Variants in RNF115 observed in about 807,000 individuals in gnomAD.
RNF115 encodes the protein ring finger protein 115.
A neutral mutation model predicts 39.2 loss-of-function variants in RNF115; 31 were observed. The observed-to-expected ratio is 0.79, with a 90% CI of 0.59 to 1.07. The LOEUF (loss-of-function observed/expected upper bound fraction) is 1.07, where lower values mean the gene tolerates loss of function less well. RNF115 is among the 50% of genes least tolerant of loss of function. The pLI, the probability that RNF115 is intolerant of heterozygous loss-of-function variation, is 0.00. For synonymous variants in RNF115, 124 were observed against 131.0 expected, an observed-to-expected ratio of 0.95 and a Z score of 0.37; for missense variants, 384 against 381.7, an observed-to-expected ratio of 1.01 and a Z score of -0.05.
chr1:145,823,982 C>G lies in RNF115; in HGVS notation c.-109G>C. ...GCCGCCGCCGCCTCGGTGCGGCCCA[C>G]CGCTTCAGAGCCCGCGTCGGTCACG... On this transcript the variant is annotated 5_prime_UTR_variant, in exon 1 of 9. Coordinates refer to ENST00000582693, the MANE Select transcript of RNF115 (RefSeq NM_014455.4). The G allele has an allele frequency of 1.3e-6, 1 of 771,936 alleles. No individual in the cohort carries two copies. Among genetic ancestry groups the G allele is most frequent in the Non-Finnish European group, 1.9e-6 (1 of 530,676 alleles). 47.8% of individuals were successfully genotyped at this position (771,936 alleles called of 1,614,324 possible). A position where few individuals can be genotyped will look rare whatever the true frequency, so the allele number is the denominator to read the frequency against.
At chr1:145,795,473 T>C (rs1194343987) in intron 1 of RNF115, among the ~76,000 whole-genome samples, 3 of 152,012 alleles carry the variant, frequency 2.0e-5, no homozygotes, top group Non-Finnish European at 2.9e-5. Context: ...TTTTACAGAG[T>C]GCTGATTGGT....
At chr1:145,756,886 G>A (rs1232778616) in intron 4 of RNF115, among the ~76,000 whole-genome samples, 2 of 133,022 alleles carry the variant, frequency 1.5e-5, no homozygotes, top group African/African-American at 5.9e-5. Flanking sequence ...GCCCAGGCCA[G>A]AGTGCAGTGG....
At chr1:145,816,069 G>GA (rs1649979570) in intron 1 of RNF115, among the ~76,000 whole-genome samples, 1 of 43,754 alleles carries the variant, frequency 2.3e-5, no homozygotes, top group African/African-American at 2.0e-4. Flanking sequence ...CTTTTTGAAT[G>GA]GTTTTTTTTT....
chr1:145,789,534 G>A (rs1327474473), intron 1 of RNF115, among the ~76,000 whole-genome samples: 4 of 151,496 alleles, frequency 2.6e-5, no homozygotes, highest in African/African-American at 9.7e-5. Context: ...AAGTAGCTAG[G>A]ATTACAGGCA....
At chr1:145,796,381 G>A (rs909243349) in intron 1 of RNF115, among the ~76,000 whole-genome samples, 6 of 151,556 alleles carry the variant, frequency 4.0e-5, no homozygotes, top group Non-Finnish European at 8.8e-5. Context: ...GTATTATTCT[G>A]TCTACACATT....
At chr1:145,759,742 T>C (rs983020901) in intron 4 of RNF115, among the ~76,000 whole-genome samples, 5 of 152,194 alleles carry the variant, frequency 3.3e-5, no homozygotes, top group Admixed American at 6.5e-5. Flanking sequence ...GAAGCTCTTA[T>C]AATTGCCAAC....
chr1:145,762,891 A>G (rs1553714046), intron 4 of RNF115, among the ~76,000 whole-genome samples: 1 of 152,200 alleles, frequency 6.6e-6, no homozygotes, highest in Non-Finnish European at 1.5e-5. Flanking sequence ...TCATTAGCCT[A>G]AGCAACTTAA....
intron 7 of RNF115, 75 bp from the exon 8 acceptor site, chr1:145,748,185 C>T (rs782605132): frequency 1.0e-6 from 1 of 975,254 alleles, no homozygotes; most frequent in Non-Finnish European, 1.6e-6. Context: ...ATGTCTCTAC[C>T]AACCCTACGA....
intron 1 of RNF115, among the ~76,000 whole-genome samples, chr1:145,808,733 C>A (rs1649567871): frequency 6.6e-6 from 1 of 152,138 alleles, no homozygotes; most frequent in African/African-American, 2.4e-5. Context: ...ATAAAAATTT[C>A]TGTTCCCCAA....
rs782815463 is a variant in RNF115, at chr1:145,788,846, A to G, written c.161+62T>C. 8 of 1,172,952 alleles carry G rather than the reference A, an allele frequency of 6.8e-6. No individual in the cohort carries two copies. The South Asian group carries it at 8.5e-5, about 12-fold the overall frequency. The allele number at this position is 1,172,952 out of a possible 1,614,324, so 72.7% of individuals were successfully genotyped here. A position where few individuals can be genotyped will look rare whatever the true frequency, so the allele number is the denominator to read the frequency against. ...AAAACAAATTCAACTTACTCAGTCC[A>G]TGCTGAGAGAAAATAGTTTTGATAA... is the stretch of plus-strand genomic sequence containing the variant. On this transcript the variant is annotated intron_variant, in intron 2 of 8. Coordinates refer to ENST00000582693, the MANE Select transcript of RNF115 (RefSeq NM_014455.4).
chr1:145,779,969 C>T (rs1395611847), intron 3 of RNF115, among the ~76,000 whole-genome samples: 4 of 151,994 alleles, frequency 2.6e-5, no homozygotes, highest in Non-Finnish European at 4.4e-5. Context: ...GACTCAAGCC[C>T]GTAATCCCAG....
At chr1:145,789,391 G>A (rs1648548282) in intron 1 of RNF115, among the ~76,000 whole-genome samples, 1 of 147,726 alleles carries the variant, frequency 6.8e-6, no homozygotes, top group South Asian at 2.2e-4. Flanking sequence ...ATAAGCCACT[G>A]AGCCCAGCCT....
rs587741147 is a variant in RNF115 at position 145,813,618 on chromosome 1, C to G, written c.102+10154G>C. 1.7e-4 allele frequency among the ~76,000 whole-genome samples: 26 copies of G among 152,286 alleles called. No individual in the cohort carries two copies. The South Asian group carries it at 5.2e-3, about 30-fold the overall frequency. On this transcript the variant is annotated intron_variant, in intron 1 of 8. Transcript: ENST00000582693. ...CAGAAAGTAACTCCAATAGATACTG[C>G]TATAATGGAATTGCAGCCACTAACT...
chr1:145,772,058 T>C (rs1182918199), intron 3 of RNF115, 139 bp from the exon 4 acceptor site: 6 of 707,262 alleles, frequency 8.5e-6, no homozygotes, highest in East Asian at 2.7e-5. Flanking sequence ...AGAGTTTCTA[T>C]ATTTTTGGTC....
At chr1:145,752,214 C>G (rs60936518) in intron 5 of RNF115, among the ~76,000 whole-genome samples, 13 of 152,168 alleles carry the variant, frequency 8.5e-5, no homozygotes, top group Admixed American at 3.9e-4. Context: ...AAGTGTCACT[C>G]TGATACTGAA....
intron 2 of RNF115, 46 bp downstream of exon 2, chr1:145,788,862 G>C (rs1378151576): frequency 7.4e-7 from 1 of 1,359,538 alleles, no homozygotes; most frequent in East Asian, 2.3e-5. Flanking sequence ...AGAGAAAATA[G>C]TTTTGATAAT....
chr1:145,758,789 C>T (rs1658393868), intron 4 of RNF115, among the ~76,000 whole-genome samples: 3 of 152,114 alleles, frequency 2.0e-5, no homozygotes, highest in Non-Finnish European at 4.4e-5. Flanking sequence ...GATGTTAGTC[C>T]CATGTTTTTG....
At chr1:145,809,018 G>A (rs1649580477) in intron 1 of RNF115, among the ~76,000 whole-genome samples, 2 of 152,040 alleles carry the variant, frequency 1.3e-5, no homozygotes, top group Non-Finnish European at 1.5e-5. Flanking sequence ...ATGTAATTAT[G>A]GGATGACTCC....
At chr1:145,778,130 C>T (rs1273870939) in intron 3 of RNF115, among the ~76,000 whole-genome samples, 1 of 152,164 alleles carries the variant, frequency 6.6e-6, no homozygotes, top group African/African-American at 2.4e-5. Context: ...AATATCCATA[C>T]CATGTAGTAT....
Sources: allele counts gnomAD v4.1 joint callset (sites outside exome capture counted in the v4.1 genomes callset), GRCh38; gene constraint gnomAD v4.1.1; transcripts MANE v1.5; gene names NCBI Gene and HGNC (gene_info 2026-07-23, HGNC 2026-07-21).